KIAA1217: variants seen among roughly 807,000 people sequenced by gnomAD.
KIAA1217 encodes the protein sickle tail protein homolog.
In KIAA1217, 88 loss-of-function variants were observed where a neutral mutation model predicts 163.9. The observed-to-expected ratio is 0.54, with a 90% CI of 0.45 to 0.64. The LOEUF (loss-of-function observed/expected upper bound fraction) is 0.64. Ranked by LOEUF, KIAA1217 falls within the 30% of genes least tolerant of loss-of-function variation. The pLI is 0.00. For synonymous variants in KIAA1217, 903 were observed against 923.1 expected (o/e 0.98, Z 0.39); for missense variants, 2,372 against 2,475.0 (o/e 0.96, Z 0.88).
At chr10:24,507,831 A>G (rs2068566280) in intron 9 of KIAA1217, among the ~76,000 whole-genome samples, 1 of 152,198 alleles carries the variant, frequency 6.6e-6, no homozygotes, top group Admixed American at 6.5e-5. Flanking sequence ...AAAACCAGAG[A>G]TAAATGGAAA....
intron 1 of KIAA1217, among the ~76,000 whole-genome samples, chr10:23,849,520 A>G (rs1478638554): frequency 3.3e-5 from 5 of 151,974 alleles, no homozygotes; most frequent in Non-Finnish European, 5.9e-5. Context: ...AATATTCTCA[A>G]AGTTGGTGTC....
chr10:23,748,459 A>G (rs944592937), intron 1 of KIAA1217, among the ~76,000 whole-genome samples: 42 of 137,386 alleles, frequency 3.1e-4, no homozygotes, highest in African/African-American at 1.1e-3. Flanking sequence ...GAAGGAAGGA[A>G]GCAAGGAAGG....
In KIAA1217 at chr10:23,910,367, G is replaced by T. The variant is rs986056624; in HGVS notation, c.-320-96858G>T. 2.6e-5 allele frequency among the ~76,000 whole-genome samples: 4 copies of T among 152,066 alleles called. 1 individual carries two copies. The East Asian group carries it at 5.8e-4, about 22-fold the overall frequency. On this transcript the variant is annotated intron_variant, in intron 1 of 18. Coordinates refer to the KIAA1217 transcript ENST00000376462. ...CGATTTCAAAATCTCAAGTAAAATG[G>T]CCTTCTGAAGAAGCAGAAAAAGTGG...
At chr10:23,986,010 A>G (rs1458317490) in intron 1 of KIAA1217, among the ~76,000 whole-genome samples, 2 of 152,214 alleles carry the variant, frequency 1.3e-5, no homozygotes, top group African/African-American at 4.8e-5. Flanking sequence ...ACAATTTATA[A>G]TGCATTTCAG....
At chr10:24,219,544 G>A in intron 1 of KIAA1217, 82 bp from the exon 2 acceptor site, 2 of 1,167,742 alleles carry the variant, frequency 1.7e-6, no homozygotes, top group South Asian at 1.9e-5. Context: ...ATTAACAACT[G>A]CCGCAAACCC....
chr10:24,216,829 A>G (rs1195887279), intron 1 of KIAA1217, among the ~76,000 whole-genome samples: 1 of 140,988 alleles, frequency 7.1e-6, no homozygotes, highest in Non-Finnish European at 1.5e-5. Context: ...TCTGTGTCCA[A>G]AAAAAAAAAA....
chr10:24,167,748 C>G (rs2065427088), intron 2 of KIAA1217, among the ~76,000 whole-genome samples: 1 of 152,140 alleles, frequency 6.6e-6, no homozygotes, highest in African/African-American at 2.4e-5. Flanking sequence ...ACAGGCATGT[C>G]TTAGTCTGTT....
intron 2 of KIAA1217, among the ~76,000 whole-genome samples, chr10:24,341,751 C>T (rs2047127973): frequency 6.6e-6 from 1 of 152,132 alleles, no homozygotes; most frequent in Non-Finnish European, 1.5e-5. Flanking sequence ...TTTCCAACTG[C>T]TAACTAATAG....
chr10:24,437,037 A>G (rs2060099653), intron 4 of KIAA1217, among the ~76,000 whole-genome samples: 1 of 152,200 alleles, frequency 6.6e-6, no homozygotes, highest in Non-Finnish European at 1.5e-5. Context: ...CTGTTGGTTC[A>G]TCTCAGATGA....
chr10:24,156,215 A>G (rs1225560442), intron 2 of KIAA1217, among the ~76,000 whole-genome samples: 1 of 152,204 alleles, frequency 6.6e-6, no homozygotes, highest in Non-Finnish European at 1.5e-5. Context: ...AGTAAATGGT[A>G]TCATACATAC....
At chr10:24,307,738 T>C (rs2042172749) in intron 2 of KIAA1217, among the ~76,000 whole-genome samples, 2 of 152,080 alleles carry the variant, frequency 1.3e-5, no homozygotes, top group Admixed American at 1.3e-4. Flanking sequence ...GCCGTGATTG[T>C]GCTACTGCAC....
intron 2 of KIAA1217, among the ~76,000 whole-genome samples, chr10:24,129,671 A>G (rs1161449398): frequency 2.6e-5 from 4 of 151,986 alleles, no homozygotes; most frequent in African/African-American, 2.4e-5. Context: ...CTCTTGTCCT[A>G]TATCTCTGTA....
intron 2 of KIAA1217, among the ~76,000 whole-genome samples, chr10:24,083,912 C>G (rs1370047275): frequency 6.6e-6 from 1 of 152,106 alleles, no homozygotes; most frequent in East Asian, 1.9e-4. Context: ...CTTTGAGGGC[C>G]TGTCGCATTT....
At chr10:23,798,822 A>G (rs1044701044) in intron 1 of KIAA1217, among the ~76,000 whole-genome samples, 2 of 152,204 alleles carry the variant, frequency 1.3e-5, no homozygotes, top group Non-Finnish European at 1.5e-5. Context: ...CGTAGAGTCC[A>G]TTGGAAGGAA....
intron 1 of KIAA1217, among the ~76,000 whole-genome samples, chr10:23,856,183 GT>G (rs1392813700): frequency 1.3e-5 from 2 of 152,262 alleles, no homozygotes; most frequent in East Asian, 3.9e-4. Context: ...GTACAGATGG[GT>G]TTTTGGTGCG....
At chr10:24,069,888 G>A (rs2061117222) in intron 2 of KIAA1217, among the ~76,000 whole-genome samples, 1 of 151,924 alleles carries the variant, frequency 6.6e-6, no homozygotes, top group Admixed American at 6.6e-5. Flanking sequence ...TTCCCAGGCT[G>A]GAGTGCAGTG....
intron 1 of KIAA1217, among the ~76,000 whole-genome samples, chr10:23,915,711 A>G (rs1842610498): frequency 6.6e-6 from 1 of 152,196 alleles, no homozygotes; most frequent in South Asian, 2.1e-4. Context: ...AGGTGCTTCT[A>G]GAGATGGAAT....
At position 24,225,993 on chromosome 10, in the gene KIAA1217, G is replaced by A. The variant is rs116185231; in HGVS notation, c.354+6084G>A. Among the ~76,000 whole-genome samples the A allele has an allele frequency of 7.8e-3, 1,183 of 152,202 alleles. 15 individuals are homozygous for A. The highest frequency in any genetic ancestry group is 0.027 in the African/African-American group (1,121 of 41,522). On this transcript the variant is annotated intron_variant, in intron 2 of 20. Coordinates refer to ENST00000376454, the MANE Select transcript of KIAA1217 (RefSeq NM_019590.5). ...GTGATAGATGGTACAGATAGAGAGGGGTACAGAGCCACAGAATTCAATGAT... is the reference window on the plus strand; with the variant it reads ...GTGATAGATGGTACAGATAGAGAGGAGTACAGAGCCACAGAATTCAATGAT...
intron 3 of KIAA1217, among the ~76,000 whole-genome samples, chr10:24,414,626 G>A (rs1203031597): frequency 6.6e-6 from 1 of 152,198 alleles, no homozygotes; most frequent in Non-Finnish European, 1.5e-5. Context: ...GGTGAATCTG[G>A]AAGCAGGAGT....
Sources: allele counts gnomAD v4.1 joint callset (sites outside exome capture counted in the v4.1 genomes callset), GRCh38; gene constraint gnomAD v4.1.1; transcripts MANE v1.5; gene names NCBI Gene and HGNC (gene_info 2026-07-23, HGNC 2026-07-21).